Variants in POLA1 observed in about 807,000 individuals in gnomAD.
POLA1 encodes the protein DNA polymerase alpha 1, catalytic subunit, also known as DNA polymerase alpha catalytic subunit.
In POLA1, 15 loss-of-function variants were observed where a neutral mutation model predicts 124.0. That is an observed-to-expected ratio of 0.12 (90% CI 0.08 to 0.19). The LOEUF (loss-of-function observed/expected upper bound fraction) is 0.19, where lower values mean the gene tolerates loss of function less well. Ranked by LOEUF, POLA1 falls within the 10% of genes least tolerant of loss-of-function variation. POLA1 has a pLI of 1.00. For missense variants in POLA1, 886 were observed against 1,103.4 expected, an observed-to-expected ratio of 0.80 and a Z score of 2.79; for synonymous variants, 408 against 389.4, an observed-to-expected ratio of 1.05 and a Z score of -0.56.
chrX:24,767,842 T>C (rs1387899217), intron 26 of POLA1, among the ~76,000 whole-genome samples: 1 of 112,226 alleles, frequency 8.9e-6, no homozygotes, highest in East Asian at 2.8e-4. Context: ...AATCCTCAAT[T>C]GAGTTAGATC....
At chrX:24,787,752 A>C (rs1416637155) in intron 26 of POLA1, among the ~76,000 whole-genome samples, 1 of 112,123 alleles carries the variant, frequency 8.9e-6, no homozygotes, top group East Asian at 2.8e-4. Context: ...TCTGTGAAAA[A>C]TGCCATTGGA....
At chrX:24,696,146 C>T (rs1325685482) in intron 1 of POLA1, among the ~76,000 whole-genome samples, 5 of 112,585 alleles carry the variant, frequency 4.4e-5, no homozygotes, top group African/African-American at 9.7e-5. Context: ...TTGAAGCAGA[C>T]ATGATTATCC....
chrX:24,835,920 A>G (rs774074273), intron 32 of POLA1, among the ~76,000 whole-genome samples: 3 of 111,907 alleles, frequency 2.7e-5, no homozygotes, highest in Non-Finnish European at 3.8e-5. Flanking sequence ...ATAGTATAAC[A>G]TGCATACAGA....
rs780363813 is a variant in POLA1 at position 24,826,331 on chromosome X, CCT to C, written c.3562-91_3562-90del. On this transcript the variant is annotated intron_variant, in intron 31 of 36. Transcript: ENST00000379068. ...TAGATACATAAAATTTAAATTGTTG[CCT>C]CTCTGTTTGACCAAGCAAGTGTCTG... 582 of 538,191 alleles carry C rather than the reference CCT, an allele frequency of 1.1e-3. 3 individuals are homozygous for C. In the African/African-American group the frequency reaches 0.012, roughly 11 times the overall value. The allele number at this position is 538,191 out of a possible 1,213,427, so 44.4% of individuals were successfully genotyped here.
At chrX:24,914,458 A>G (rs1183540251) in intron 35 of POLA1, among the ~76,000 whole-genome samples, 1 of 110,047 alleles carries the variant, frequency 9.1e-6, no homozygotes, top group Non-Finnish European at 1.9e-5. Context: ...ACTATGACAA[A>G]GGAACAAAAC....
intron 18 of POLA1, 61 bp downstream of exon 18, chrX:24,735,549 G>T: frequency 1.5e-6 from 1 of 649,322 alleles, no homozygotes; most frequent in South Asian, 2.5e-5. Context: ...TTTTCAGTGT[G>T]ACTTTATTGG....
At chrX:24,778,697 C>T (rs1276727868) in intron 26 of POLA1, among the ~76,000 whole-genome samples, 1 of 112,086 alleles carries the variant, frequency 8.9e-6, no homozygotes, top group Non-Finnish European at 1.9e-5. Context: ...ACATACATTA[C>T]TTAATCCTCA....
intron 29 of POLA1, among the ~76,000 whole-genome samples, chrX:24,813,314 A>G (rs2045934666): frequency 9.0e-6 from 1 of 111,252 alleles, no homozygotes; most frequent in African/African-American, 3.3e-5. Flanking sequence ...TGGGCCATGG[A>G]GTGAGACTTT....
At chrX:24,732,599 GTTTTTTTTTT>G in intron 16 of POLA1, 145 bp downstream of exon 16, 1 of 210,941 alleles carries the variant, frequency 4.7e-6, no homozygotes, top group Non-Finnish European at 8.0e-6. Context: ...GTTTTTTTTT[GTTTTTTTTTT>G]TTTTGCCATG....
chrX:24,718,621 CA>C (rs943284106), intron 10 of POLA1, among the ~76,000 whole-genome samples: 2 of 111,973 alleles, frequency 1.8e-5, no homozygotes, highest in African/African-American at 6.5e-5. Flanking sequence ...GTTTTAAGTA[CA>C]GGGGGTGGTG....
At chrX:24,714,799 T>C in intron 5 of POLA1, 130 bp downstream of exon 5, 1 of 443,529 alleles carries the variant, frequency 2.3e-6, no homozygotes, top group Non-Finnish European at 3.9e-6. Context: ...CTAAGTTGGA[T>C]GTAGATTTCT....
At position 24,975,011 on chromosome X, in the gene POLA1, C is replaced by A. The variant is rs1601924240; in HGVS notation, c.4262-20794C>A. ...GAAAATGGCCTTGGTCTTTGGGTGG[C>A]TACTTTGTTTGTTTGTTTGAGATGA... On this transcript the variant is annotated intron_variant, in intron 36 of 36. Transcript: ENST00000379068. Among the ~76,000 whole-genome samples the A allele has an allele frequency of 3.6e-5, 4 of 111,954 alleles. No homozygotes were observed. The Middle Eastern group carries it at 0.014, about 387-fold the overall frequency.
chrX:24,909,103 T>G (rs1335360194), intron 35 of POLA1, among the ~76,000 whole-genome samples: 1 of 112,262 alleles, frequency 8.9e-6, no homozygotes, highest in Non-Finnish European at 1.9e-5. Context: ...TCTTGTAAAT[T>G]TGTTTGAGTT....
At chrX:24,723,972 C>T in intron 11 of POLA1, among the ~76,000 whole-genome samples, 1 of 113,000 alleles carries the variant, frequency 8.8e-6, no homozygotes, top group Middle Eastern at 4.6e-3. Context: ...AGCCACTGCG[C>T]TCAGTCTGCT....
chrX:24,919,375 G>A (rs1394032339), intron 35 of POLA1, among the ~76,000 whole-genome samples: 2 of 111,061 alleles, frequency 1.8e-5, no homozygotes, highest in Admixed American at 9.6e-5. Context: ...TTTTATGCCA[G>A]ATACCGTACT....
At chrX:24,694,448 A>C (rs1176388672) in intron 1 of POLA1, among the ~76,000 whole-genome samples, 1 of 112,555 alleles carries the variant, frequency 8.9e-6, no homozygotes, top group African/African-American at 3.2e-5. Flanking sequence ...CAGGAAAGAA[A>C]GCTCTAAGTG....
chrX:24,830,694 C>T (rs750399430), intron 32 of POLA1, among the ~76,000 whole-genome samples: 12 of 111,987 alleles, frequency 1.1e-4, no homozygotes, highest in African/African-American at 3.2e-4. Flanking sequence ...AAAGCTCTCC[C>T]GTATTCTGTG....
intron 10 of POLA1, among the ~76,000 whole-genome samples, chrX:24,720,557 G>A (rs1014418854): frequency 3.6e-5 from 4 of 111,810 alleles, no homozygotes; most frequent in Admixed American, 1.9e-4. Context: ...GCTTTGTGGG[G>A]TATGAGAATG....
intron 26 of POLA1, among the ~76,000 whole-genome samples, chrX:24,758,271 A>G (rs1932715688): frequency 9.0e-6 from 1 of 111,721 alleles, no homozygotes; most frequent in Admixed American, 9.5e-5. Flanking sequence ...TATATAATCT[A>G]TTATAACAGT....
Sources: allele counts gnomAD v4.1 joint callset (sites outside exome capture counted in the v4.1 genomes callset), GRCh38; gene constraint gnomAD v4.1.1; transcripts MANE v1.5; gene names NCBI Gene and HGNC (gene_info 2026-07-23, HGNC 2026-07-21).